Variants in CHD2 observed in about 807,000 individuals in gnomAD.
CHD2 encodes ATP-dependent chromatin remodeler CHD2.
CHD2 carries 28 observed loss-of-function variants against 243.9 expected under a neutral mutation model. The ratio of observed to expected loss-of-function variants is 0.11; its 90% CI spans 0.09 to 0.16. CHD2 has a LOEUF of 0.16. Among genes scored for constraint, CHD2 ranks in the 10% least tolerant of loss-of-function variants. CHD2 has a pLI of 1.00. For missense variants in CHD2, 1,386 were observed against 2,209.8 expected (o/e 0.63, Z 7.47); for synonymous variants, 775 against 779.0 (o/e 0.99, Z 0.09).
At chr15:92,903,655 G>A (rs749395826) in intron 2 of CHD2, among the ~76,000 whole-genome samples, 4 of 152,130 alleles carry the variant, frequency 2.6e-5, no homozygotes, top group Non-Finnish European at 4.4e-5. Flanking sequence ...ATGGACATAC[G>A]AGAAGTATAC....
chr15:92,914,406 G>C (rs1022231596), intron 2 of CHD2, among the ~76,000 whole-genome samples: 1 of 152,160 alleles, frequency 6.6e-6, no homozygotes, highest in Admixed American at 6.5e-5. Context: ...CCTTAACCAG[G>C]CTTCTTGCTA....
chr15:93,020,269 G>T lies in CHD2; in HGVS notation c.5153+11G>T. The T allele has an allele frequency of 6.2e-7, 1 of 1,614,066 alleles. No individual in the cohort carries two copies. Among genetic ancestry groups the T allele is most frequent in the Non-Finnish European group, 8.5e-7 (1 of 1,180,012 alleles). On this transcript the variant is annotated intron_variant, in intron 38 of 38. Coordinates refer to ENST00000394196, the MANE Select transcript of CHD2 (RefSeq NM_001271.4). ...AGATTATTATGACAGGTATGCAAAA[G>T]GCTGTGAGACACCAGGTGCCAACCT... is the stretch of plus-strand genomic sequence containing the variant.
intron 2 of CHD2, among the ~76,000 whole-genome samples, chr15:92,903,914 A>G (rs1285409395): frequency 6.6e-6 from 1 of 152,226 alleles, no homozygotes; most frequent in Non-Finnish European, 1.5e-5. Flanking sequence ...CAGATATTCT[A>G]AAAGGCTGGG....
intron 38 of CHD2, 78 bp from the exon 39 acceptor site, chr15:93,024,294 G>GA: frequency 7.7e-7 from 1 of 1,292,598 alleles, no homozygotes; most frequent in Admixed American, 2.1e-5. Flanking sequence ...ATATGAGGAA[G>GA]AGCCAAGTGG....
chr15:92,961,649 T>G (rs878948110), intron 16 of CHD2, among the ~76,000 whole-genome samples: 2 of 152,002 alleles, frequency 1.3e-5, no homozygotes, highest in African/African-American at 4.8e-5. Flanking sequence ...TGGGCTCAAG[T>G]GATCCTCCCG....
In CHD2 at chr15:93,024,421, A is replaced by T; in HGVS notation, c.5203A>T (p.Asn1735Tyr). 1 of 1,614,134 alleles carries T rather than the reference A, an allele frequency of 6.2e-7. No individual in the cohort carries two copies. Among genetic ancestry groups the T allele is most frequent in the Non-Finnish European group, 8.5e-7 (1 of 1,180,028 alleles). The change falls in exon 39 of 39, where the codon AAT (asparagine) becomes TAT (tyrosine). Residue 1735 changes from asparagine (N) to tyrosine (Y), a missense_variant. Coordinates refer to ENST00000394196, the MANE Select transcript of CHD2 (RefSeq NM_001271.4). ...RRRSDEFRPQ[N>Y]YHQQDFRRMS... ...GAGATCCGATGAATTTAGGCCTCAAAATTACCACCAGCAGGATTTCCGACG... is the reference window on the plus strand; with the variant it reads ...GAGATCCGATGAATTTAGGCCTCAATATTACCACCAGCAGGATTTCCGACG...
chr15:92,957,871 T>TAGAG (rs1286690825), intron 16 of CHD2, among the ~76,000 whole-genome samples: 1 of 152,158 alleles, frequency 6.6e-6, no homozygotes, highest in Non-Finnish European at 1.5e-5. Flanking sequence ...CTTTTGTCTC[T>TAGAG]AGAGATTTAC....
At chr15:92,999,482 C>A (rs1346706457) in intron 31 of CHD2, among the ~76,000 whole-genome samples, 1 of 152,202 alleles carries the variant, frequency 6.6e-6, no homozygotes, top group East Asian at 1.9e-4. Context: ...AATTTCAGTT[C>A]AGGCCCAGAA....
intron 34 of CHD2, among the ~76,000 whole-genome samples, chr15:93,008,604 CTT>C (rs2141880941): frequency 6.6e-6 from 1 of 152,264 alleles, no homozygotes; most frequent in East Asian, 1.9e-4. Flanking sequence ...TATCCTCTCT[CTT>C]GTTTTCTCTT....
Position 92,953,330 on chromosome 15 carries a change from G to T in CHD2, c.1503-27G>T, listed in dbSNP as rs1567139894. 8.2e-6 allele frequency: 13 copies of T among 1,593,702 alleles called. No individual in the cohort carries two copies. The Admixed American group carries it at 1.2e-4, about 15-fold the overall frequency. On this transcript the variant is annotated intron_variant, in intron 13 of 38. Transcript: ENST00000394196. ...GTTTTGGTGAACTAATGATTTTTTT[G>T]TTTTTATTTATTTTTTCTTTCTGCA...
intron 5 of CHD2, among the ~76,000 whole-genome samples, chr15:92,935,008 T>G (rs2054014845): frequency 6.6e-6 from 1 of 151,158 alleles, no homozygotes; most frequent in South Asian, 2.1e-4. Context: ...ACTAGTTGAT[T>G]TGCTAAGTTT....
chr15:92,914,206 G>A (rs1001330380), intron 2 of CHD2, among the ~76,000 whole-genome samples: 5 of 152,202 alleles, frequency 3.3e-5, no homozygotes, highest in African/African-American at 1.2e-4. Flanking sequence ...TACATTGCCC[G>A]AGGTGGTTAA....
intron 19 of CHD2, among the ~76,000 whole-genome samples, chr15:92,973,151 A>T (rs2053864586): frequency 6.6e-6 from 1 of 152,182 alleles, no homozygotes; most frequent in Non-Finnish European, 1.5e-5. Flanking sequence ...TGAGGCTGGG[A>T]ACATAGCAGA....
At chr15:93,000,857 T>G (rs2054245799) in intron 32 of CHD2, among the ~76,000 whole-genome samples, 1 of 152,110 alleles carries the variant, frequency 6.6e-6, no homozygotes, top group African/African-American at 2.4e-5. Flanking sequence ...TATGACATTT[T>G]TGTTGTTGTT....
At chr15:92,910,428 T>C (rs1163258204) in intron 2 of CHD2, among the ~76,000 whole-genome samples, 1 of 152,148 alleles carries the variant, frequency 6.6e-6, no homozygotes, top group Non-Finnish European at 1.5e-5. Flanking sequence ...AATCTCACTG[T>C]GTTGCCTAGG....
rs1313290353 is a variant in CHD2, at chr15:92,986,442, C to G, written c.3413+769C>G. Among the ~76,000 whole-genome samples, 6 of 152,112 alleles carry G rather than the reference C, an allele frequency of 3.9e-5. No individual in the cohort carries two copies. In the South Asian group the frequency reaches 8.3e-4, roughly 21 times the overall value. ...TGTTTCTTTTCACTTAAAGGTCACA[C>G]CTATTCTTCTTTCTTTGTTTAATTT... On this transcript the variant is annotated intron_variant, in intron 26 of 38. Coordinates refer to ENST00000394196, the MANE Select transcript of CHD2 (RefSeq NM_001271.4).
At position 92,903,836 on chromosome 15, in the gene CHD2, C is replaced by A. The variant is rs185048273; in HGVS notation, c.62+2537C>A. Among the ~76,000 whole-genome samples the A allele has an allele frequency of 2.5e-3, 384 of 152,288 alleles. 1 individual carries two copies. Among genetic ancestry groups the A allele is most frequent in the South Asian group, 5.4e-3 (26 of 4,826 alleles). ...TTAAATTTATCTCCAAATCGTCTGC[C>A]TTTGAGCCAGATTTATTTTTATAAC... On this transcript the variant is annotated intron_variant, in intron 2 of 38. Coordinates refer to ENST00000394196, the MANE Select transcript of CHD2 (RefSeq NM_001271.4).
rs1391589578 is a variant in CHD2 at position 92,997,307 on chromosome 15, G to A, written c.3789G>A (p.Val1263=). ...KAAHFDVEWG[V]EDDSRLLLGI... ...CACATTTTGATGTAGAGTGGGGGGT[G>A]GAAGATGATTCTCGCCTGTTGCTGG... The change falls in exon 30 of 39, where the codon GTG becomes GTA. Residue 1263 remains valine, a synonymous_variant. Coordinates refer to ENST00000394196, the MANE Select transcript of CHD2 (RefSeq NM_001271.4). The surrounding 1 kb of genome is among the most constrained non-coding windows in gnomAD (Gnocchi z 4.1). 3 of 1,613,878 alleles carry A rather than the reference G, an allele frequency of 1.9e-6. No homozygotes were observed. The highest frequency in any genetic ancestry group is 4.5e-5 in the East Asian group (2 of 44,868).
intron 31 of CHD2, among the ~76,000 whole-genome samples, chr15:93,000,027 G>GGTGGGTGGATCACCTGAA: frequency 6.6e-6 from 1 of 152,324 alleles, no homozygotes; most frequent in African/African-American, 2.4e-5. Flanking sequence ...GGGAGGCTGA[G>GGTGGGTGGATCACCTGAA]GTGGGTGGAT....
Sources: allele counts gnomAD v4.1 joint callset (sites outside exome capture counted in the v4.1 genomes callset), GRCh38; gene constraint gnomAD v4.1.1; non-coding constraint Gnocchi (gnomAD v3.1); transcripts MANE v1.5; gene names NCBI Gene and HGNC (gene_info 2026-07-23, HGNC 2026-07-21).